The following FHIT variants were observed in gnomAD, a reference collection of about 807,000 sequenced individuals.
The protein encoded by FHIT is bis(5'-adenosyl)-triphosphatase.
FHIT carries 19 observed loss-of-function variants against 17.9 expected under a neutral mutation model. That is an observed-to-expected ratio of 1.06 (90% confidence interval 0.74 to 1.56). FHIT has a LOEUF of 1.56. Ranked by LOEUF, FHIT falls within the 40% of genes most tolerant of loss-of-function variation. The pLI, the probability that FHIT is intolerant of heterozygous loss-of-function variation, is 0.00. For missense variants in FHIT, 248 were observed against 189.2 expected (o/e 1.31, Z -1.82); for synonymous variants, 81 against 69.7 (o/e 1.16, Z -0.81).
At chr3:60,458,618 T>C (rs954095465) in intron 5 of FHIT, among the ~76,000 whole-genome samples, 1 of 151,976 alleles carries the variant, frequency 6.6e-6, no homozygotes, top group South Asian at 2.1e-4. Context: ...GAAATCACCG[T>C]TATATATTTC....
intron 2 of FHIT, among the ~76,000 whole-genome samples, chr3:61,176,562 CT>C (rs1162038797): frequency 2.0e-5 from 3 of 152,096 alleles, no homozygotes; most frequent in Non-Finnish European, 4.4e-5. Flanking sequence ...CTTTATAAAG[CT>C]TTTTTTATTC....
chr3:60,802,673 T>A (rs1443214162), intron 4 of FHIT, among the ~76,000 whole-genome samples: 2 of 152,156 alleles, frequency 1.3e-5, no homozygotes, highest in Admixed American at 1.3e-4. Flanking sequence ...TCAGGAAAGC[T>A]TTTAGGCCGA....
intron 2 of FHIT, among the ~76,000 whole-genome samples, chr3:61,056,994 G>T (rs1167570562): frequency 6.6e-6 from 1 of 152,180 alleles, no homozygotes; most frequent in African/African-American, 2.4e-5. Flanking sequence ...AGTAGGGGTG[G>T]AGTACATATG....
intron 4 of FHIT, among the ~76,000 whole-genome samples, chr3:60,599,038 G>A (rs1472248334): frequency 6.6e-6 from 1 of 152,134 alleles, no homozygotes; most frequent in Admixed American, 6.6e-5. Context: ...GTATTAATGT[G>A]CAGTGTTCCA....
chr3:60,758,948 A>G (rs1457207491), intron 4 of FHIT, among the ~76,000 whole-genome samples: 10 of 152,200 alleles, frequency 6.6e-5, no homozygotes, highest in African/African-American at 2.4e-4. Flanking sequence ...TAATCTGAGC[A>G]GAGATCTAAA....
At chr3:60,991,444 C>T (rs2107582670) in intron 3 of FHIT, among the ~76,000 whole-genome samples, 1 of 152,258 alleles carries the variant, frequency 6.6e-6, no homozygotes, top group East Asian at 1.9e-4. Context: ...ATGATAGATT[C>T]TATTTGATAT....
intron 4 of FHIT, among the ~76,000 whole-genome samples, chr3:60,605,069 T>C (rs2038566863): frequency 2.6e-5 from 4 of 152,096 alleles, no homozygotes; most frequent in African/African-American, 9.7e-5. Flanking sequence ...TGTACCTTTG[T>C]TCACAACTAA....
intron 4 of FHIT, among the ~76,000 whole-genome samples, chr3:60,684,589 A>G (rs2040820670): frequency 1.3e-5 from 2 of 152,064 alleles, no homozygotes; most frequent in Non-Finnish European, 2.9e-5. Context: ...GAGTGAGGTT[A>G]ATACTCTGTT....
intron 5 of FHIT, among the ~76,000 whole-genome samples, chr3:60,031,527 C>T (rs1217737669): frequency 1.3e-5 from 2 of 152,096 alleles, no homozygotes; most frequent in Non-Finnish European, 2.9e-5. Flanking sequence ...CCATTTGACT[C>T]TGGGCAAATA....
At chr3:61,101,028 T>C (rs928930994) in intron 2 of FHIT, among the ~76,000 whole-genome samples, 5 of 152,216 alleles carry the variant, frequency 3.3e-5, no homozygotes, top group African/African-American at 1.2e-4. Context: ...ACTCTGAAGG[T>C]AGTTTCTTTT....
intron 5 of FHIT, among the ~76,000 whole-genome samples, chr3:60,031,207 G>A (rs1217391589): frequency 6.6e-6 from 1 of 152,204 alleles, no homozygotes; most frequent in Non-Finnish European, 1.5e-5. Context: ...TTGAGTTGAG[G>A]GAGGTGATTT....
intron 8 of FHIT, among the ~76,000 whole-genome samples, chr3:59,879,291 G>T (rs1703299889): frequency 6.6e-6 from 1 of 152,134 alleles, no homozygotes; most frequent in South Asian, 2.1e-4. Context: ...TCAGTGAGAT[G>T]GATCTCTGAC....
chr3:60,246,876 A>T (rs961167073), intron 5 of FHIT, among the ~76,000 whole-genome samples: 1 of 152,142 alleles, frequency 6.6e-6, no homozygotes, highest in African/African-American at 2.4e-5. Flanking sequence ...TGATTCTCCT[A>T]AACAGCTGAT....
At chr3:60,654,929 T>C (rs1553689187) in intron 4 of FHIT, among the ~76,000 whole-genome samples, 1 of 152,080 alleles carries the variant, frequency 6.6e-6, no homozygotes, top group Non-Finnish European at 1.5e-5. Flanking sequence ...AAAAGGGTAT[T>C]GAGTGCCCAT....
intron 5 of FHIT, among the ~76,000 whole-genome samples, chr3:60,125,296 T>C (rs1705490344): frequency 6.6e-6 from 1 of 152,150 alleles, no homozygotes; most frequent in Admixed American, 6.5e-5. Flanking sequence ...ATGGTGGTAA[T>C]AAAGCCTACC....
chr3:60,546,962 C>T (rs1289438289), intron 4 of FHIT, among the ~76,000 whole-genome samples: 2 of 152,022 alleles, frequency 1.3e-5, no homozygotes, highest in Non-Finnish European at 2.9e-5. Flanking sequence ...CCTATTTCTT[C>T]AAGTTTTAAT....
chr3:60,901,896 T>C (rs1553763280), intron 3 of FHIT, among the ~76,000 whole-genome samples: 1 of 152,156 alleles, frequency 6.6e-6, no homozygotes, highest in Admixed American at 6.5e-5. Context: ...TAGGAATACG[T>C]CATAAGTACT....
chr3:61,161,936 A>T (rs1428692053), intron 2 of FHIT, among the ~76,000 whole-genome samples: 1 of 152,212 alleles, frequency 6.6e-6, no homozygotes, highest in Non-Finnish European at 1.5e-5. Flanking sequence ...CACTGAACAC[A>T]TCCAGTTTAC....
intron 5 of FHIT, among the ~76,000 whole-genome samples, chr3:60,107,015 G>A (rs1436598106): frequency 6.6e-6 from 1 of 152,038 alleles, no homozygotes; most frequent in Non-Finnish European, 1.5e-5. Context: ...ATAGTTCACG[G>A]TGGTTTTATA....
Sources: allele counts gnomAD v4.1 joint callset (sites outside exome capture counted in the v4.1 genomes callset), GRCh38; gene constraint gnomAD v4.1.1; transcripts MANE v1.5; gene names NCBI Gene and HGNC (gene_info 2026-07-23, HGNC 2026-07-21).